The following KIAA1328 variants were observed in gnomAD, a reference collection of about 807,000 sequenced individuals.
The protein encoded by KIAA1328 is protein hinderin.
Under a neutral mutation model 68.1 loss-of-function variants are expected in KIAA1328, and 52 were observed. That is an observed-to-expected ratio of 0.76 (90% confidence interval 0.61 to 0.96). KIAA1328 has a LOEUF of 0.96. Among genes scored for constraint, KIAA1328 ranks in the 40% least tolerant of loss-of-function variants. The pLI is 0.00. For synonymous variants in KIAA1328, 232 were observed against 239.4 expected (o/e 0.97, Z 0.28); for missense variants, 641 against 677.6 (o/e 0.95, Z 0.60).
At chr18:37,175,060 C>T (rs17568161) in intron 9 of KIAA1328, among the ~76,000 whole-genome samples, 15,832 of 152,194 alleles carry the variant, frequency 0.1, 1,074 homozygotes, top group Non-Finnish European at 0.13. Context: ...GGAGCTTCCT[C>T]TTTGGATCAC....
At chr18:36,882,618 C>T (rs2048360703) in intron 4 of KIAA1328, among the ~76,000 whole-genome samples, 1 of 152,070 alleles carries the variant, frequency 6.6e-6, no homozygotes, top group African/African-American at 2.4e-5. Context: ...ATAGTCAAAT[C>T]ATAGCAGCAT....
At chr18:37,191,176 C>T (rs1366723811) in intron 9 of KIAA1328, among the ~76,000 whole-genome samples, 1 of 152,192 alleles carries the variant, frequency 6.6e-6, no homozygotes, top group African/African-American at 2.4e-5. Flanking sequence ...TTCTTAGCAT[C>T]AGTAAAGCCT....
At chr18:37,205,963 G>A (rs921219351) in intron 9 of KIAA1328, among the ~76,000 whole-genome samples, 2 of 152,184 alleles carry the variant, frequency 1.3e-5, no homozygotes, top group African/African-American at 4.8e-5. Context: ...GTCTGGCAAA[G>A]CTTGCAGTAA....
chr18:37,013,924 G>T (rs1167780866), intron 6 of KIAA1328, among the ~76,000 whole-genome samples: 1 of 152,238 alleles, frequency 6.6e-6, no homozygotes, highest in Non-Finnish European at 1.5e-5. Context: ...TCTCCAGACT[G>T]CTTTCTACAG....
intron 6 of KIAA1328, chr18:37,063,630 G>A (rs2056236025): frequency 2.0e-6 from 2 of 985,124 alleles, no homozygotes; most frequent in South Asian, 9.4e-5. Flanking sequence ...CAGTAACCAA[G>A]CAGGTAATTG....
chr18:36,913,431 A>T (rs187417264), intron 5 of KIAA1328, among the ~76,000 whole-genome samples: 116 of 149,394 alleles, frequency 7.8e-4, no homozygotes, highest in African/African-American at 2.6e-3. Context: ...TTTTGATAAG[A>T]GGCTCTTCCA....
chr18:37,204,235 A>G (rs1287259605), intron 9 of KIAA1328, among the ~76,000 whole-genome samples: 3 of 152,260 alleles, frequency 2.0e-5, no homozygotes, highest in Non-Finnish European at 4.4e-5. Flanking sequence ...AAACCTGTCA[A>G]ACCAGTAGAC....
At chr18:36,889,328 A>G (rs992579765) in intron 5 of KIAA1328, among the ~76,000 whole-genome samples, 1 of 152,216 alleles carries the variant, frequency 6.6e-6, no homozygotes, top group Non-Finnish European at 1.5e-5. Flanking sequence ...ATAATTCTGA[A>G]ACATGTTGGC....
At chr18:37,228,847 A>G (rs572821963), downstream of KIAA1328, among the ~76,000 whole-genome samples, 4 of 152,170 alleles carry the variant, frequency 2.6e-5, no homozygotes, top group East Asian at 7.7e-4. Context: ...AAAAAAGATT[A>G]CAACCCACTG....
chr18:37,037,597 T>C (rs2055076410), intron 6 of KIAA1328, among the ~76,000 whole-genome samples: 1 of 152,170 alleles, frequency 6.6e-6, no homozygotes, highest in South Asian at 2.1e-4. Flanking sequence ...AAGAAGGTTG[T>C]CTTTCGCCAG....
chr18:37,027,064 T>A (rs1415108388), intron 6 of KIAA1328, among the ~76,000 whole-genome samples: 3 of 150,448 alleles, frequency 2.0e-5, no homozygotes, highest in African/African-American at 7.3e-5. Flanking sequence ...TCACAAGCAT[T>A]CTTTACACCA....
intron 7 of KIAA1328, among the ~76,000 whole-genome samples, chr18:37,116,404 A>T (rs2058107927): frequency 6.6e-6 from 1 of 152,242 alleles, no homozygotes; most frequent in Non-Finnish European, 1.5e-5. Flanking sequence ...AAAACAAGAA[A>T]TGGGGAAAGG....
intron 8 of KIAA1328, among the ~76,000 whole-genome samples, 174 bp downstream of exon 8, chr18:37,160,555 T>C (rs2059257233): frequency 6.6e-6 from 1 of 152,244 alleles, no homozygotes; most frequent in Non-Finnish European, 1.5e-5. Flanking sequence ...ATTGTGTCTG[T>C]GTTTTTCTTA....
chr18:36,991,601 T>C (rs573587148), intron 6 of KIAA1328, among the ~76,000 whole-genome samples: 65 of 152,340 alleles, frequency 4.3e-4, no homozygotes, highest in African/African-American at 1.6e-3. Context: ...CTATTACTGC[T>C]TAACCACTGC....
chr18:36,893,254 T>TTCTC (rs1160530279), intron 5 of KIAA1328, among the ~76,000 whole-genome samples: 1 of 152,018 alleles, frequency 6.6e-6, no homozygotes, highest in Non-Finnish European at 1.5e-5. Context: ...CTCTCTCTTT[T>TTCTC]TCTCTCTCTC....
In KIAA1328 at chr18:37,067,162, G is replaced by C; in HGVS notation, c.849G>C (p.Glu283Asp). ...GGAGAAAACCTGCAGTCCCAACAGA[G>C]AAAATGCCACAAGAAGAATTGCACA... ...SPGRKPAVPTEKMPQEELHMK... is the reference protein window; with the variant it reads ...SPGRKPAVPTDKMPQEELHMK... Residue 283 changes from glutamate to aspartate, a missense_variant, in exon 7 of 10, where the codon GAG becomes GAC. Physicochemically the swap from Glu to Asp is conservative, Grantham distance 45 (BLOSUM62 2). Transcript: ENST00000280020. 6 of 1,614,014 alleles carry C rather than the reference G, an allele frequency of 3.7e-6. No homozygotes were observed. Among genetic ancestry groups the C allele is most frequent in the Non-Finnish European group, 4.2e-6 (5 of 1,179,878 alleles).
At chr18:37,215,991 G>A (rs988848215) in intron 9 of KIAA1328, among the ~76,000 whole-genome samples, 1 of 152,104 alleles carries the variant, frequency 6.6e-6, no homozygotes, top group African/African-American at 2.4e-5. Context: ...AATCGGTGGT[G>A]ATATCCCCTT....
rs141253836 is a variant in KIAA1328, at chr18:37,057,297, A to G, written c.577-9593A>G. ...CAGCAGGTCATATATAGCCCACTGC[A>G]TGATTTTGTACAACTCATGAGCTAA... On this transcript the variant is annotated intron_variant, in intron 6 of 9. Coordinates refer to ENST00000280020, the MANE Select transcript of KIAA1328 (RefSeq NM_020776.3). Among the ~76,000 whole-genome samples, 890 of 152,256 alleles carry G rather than the reference A, an allele frequency of 5.8e-3. 8 individuals carry two copies. Among genetic ancestry groups the G allele is most frequent in the African/African-American group, 0.02 (847 of 41,568 alleles).
downstream of KIAA1328, chr18:37,225,421 ATCAAAATGT>A (rs1350154023): frequency 2.8e-5 from 15 of 526,656 alleles, no homozygotes; most frequent in East Asian, 2.2e-3. Context: ...CCTGCAGGTT[ATCAAAATGT>A]TATTTTCCTC....
Sources: gnomAD v4.1 joint callset for allele counts (sites outside exome capture counted in the v4.1 genomes callset) on GRCh38, gnomAD v4.1.1 for gene constraint, MANE v1.5 for transcripts, NCBI Gene and HGNC (gene_info 2026-07-23, HGNC 2026-07-21) for gene names.